Variants in MEIG1 observed in about 807,000 individuals in gnomAD.
The protein encoded by MEIG1 is meiosis/spermiogenesis associated 1.
MEIG1 carries 12 observed loss-of-function variants against 11.3 expected under a neutral mutation model. The observed-to-expected ratio is 1.07, with a 90% CI of 0.68 to 1.73. MEIG1 has a LOEUF of 1.73. MEIG1 is among the 40% of genes most tolerant of loss of function. The pLI, the probability that MEIG1 is intolerant of heterozygous loss-of-function variation, is 0.00. For synonymous variants in MEIG1, 41 were observed against 33.2 expected (o/e 1.24, Z -0.81); for missense variants, 119 against 104.9 (o/e 1.13, Z -0.59).
intron 1 of MEIG1, among the ~76,000 whole-genome samples, chr10:14,985,414 T>C (rs1040833553): frequency 2.0e-5 from 3 of 152,094 alleles, no homozygotes; most frequent in Non-Finnish European, 4.4e-5. Flanking sequence ...TGATCGGTTA[T>C]ATCCTTGGGG....
intron 1 of MEIG1, among the ~76,000 whole-genome samples, chr10:14,980,244 A>G (rs1198146175): frequency 6.6e-6 from 1 of 152,090 alleles, no homozygotes; most frequent in East Asian, 1.9e-4. Flanking sequence ...ACAATTTGTT[A>G]TATTATTCGT....
chr10:14,955,539 A>C (rs1842922838), upstream of MEIG1, among the ~76,000 whole-genome samples: 1 of 152,202 alleles, frequency 6.6e-6, no homozygotes, highest in Admixed American at 6.5e-5. Flanking sequence ...CCCCATCTCT[A>C]CTAAAAATAC....
At chr10:14,968,970 C>A (rs113966809) in intron 2 of MEIG1, among the ~76,000 whole-genome samples, 2 of 151,462 alleles carry the variant, frequency 1.3e-5, no homozygotes. Context: ...CCTAGCTATT[C>A]GGGAGGCCGA....
chr10:14,980,701 C>T (rs1843254181), intron 1 of MEIG1, among the ~76,000 whole-genome samples: 1 of 152,098 alleles, frequency 6.6e-6, no homozygotes, highest in South Asian at 2.1e-4. Flanking sequence ...CTCTGGAGGT[C>T]TCGAGCCAAC....
At chr10:14,987,973 C>T (rs918242127) in exon 3 of MEIG1, 11 of 152,666 alleles carry the variant, frequency 7.2e-5, no homozygotes, top group African/African-American at 2.4e-4. Context: ...TTTCACATAC[C>T]TGTTACTTTT....
chr10:14,969,454 AAAAAAAG>A (rs1843125100), intron 2 of MEIG1, among the ~76,000 whole-genome samples: 1 of 151,526 alleles, frequency 6.6e-6, no homozygotes, highest in African/African-American at 2.4e-5. Flanking sequence ...TCTCAAAAAA[AAAAAAAG>A]AAAAAAGGAA....
chr10:14,984,849 T>C (rs1843302293), intron 1 of MEIG1, among the ~76,000 whole-genome samples: 1 of 151,426 alleles, frequency 6.6e-6, no homozygotes, highest in African/African-American at 2.4e-5. Flanking sequence ...CAATATTCTA[T>C]AGAAATGTTA....
At chr10:14,977,779 G>T (rs1054822664), downstream of MEIG1, among the ~76,000 whole-genome samples, 7 of 151,652 alleles carry the variant, frequency 4.6e-5, no homozygotes, top group African/African-American at 1.5e-4. Flanking sequence ...AGATATTCCT[G>T]CTAATAACAC....
chr10:14,986,569 C>T (rs910376910), intron 1 of MEIG1, among the ~76,000 whole-genome samples: 3 of 152,176 alleles, frequency 2.0e-5, no homozygotes, highest in Non-Finnish European at 4.4e-5. Context: ...TTCTTCGTAG[C>T]GTCTGCTAAC....
upstream of MEIG1, among the ~76,000 whole-genome samples, chr10:14,957,232 G>T (rs542498794): frequency 6.6e-6 from 1 of 152,138 alleles, no homozygotes; most frequent in East Asian, 1.9e-4. Context: ...GTCCTCATTT[G>T]CCAGTTGAGG....
chr10:14,986,775 AAT>A, intron 1 of MEIG1: 1 of 340,678 alleles, frequency 2.9e-6, no homozygotes, highest in Non-Finnish European at 5.7e-6. Context: ...AAGCCTGACT[AAT>A]AGTTTGTTTT....
chr10:14,968,970 C>T (rs113966809), intron 2 of MEIG1, among the ~76,000 whole-genome samples: 201 of 151,462 alleles, frequency 1.3e-3, no homozygotes, highest in East Asian at 5.9e-3. Flanking sequence ...CCTAGCTATT[C>T]GGGAGGCCGA....
chr10:14,965,803 C>T (rs1044654509), intron 1 of MEIG1, among the ~76,000 whole-genome samples: 5 of 151,608 alleles, frequency 3.3e-5, no homozygotes, highest in Non-Finnish European at 7.4e-5. Flanking sequence ...AAACTATTAC[C>T]TGGAACTCCA....
upstream of MEIG1, among the ~76,000 whole-genome samples, chr10:14,958,875 G>A (rs1212451605): frequency 2.6e-5 from 4 of 151,880 alleles, no homozygotes; most frequent in South Asian, 2.1e-4. Flanking sequence ...CAGCCTGGGC[G>A]ACGGAGCGAG....
At chr10:14,987,228 C>G (rs766510499) in intron 2 of MEIG1, 20 of 958,510 alleles carry the variant, frequency 2.1e-5, no homozygotes, top group Non-Finnish European at 3.1e-5. Flanking sequence ...CCGATGTCAG[C>G]CCAGCACAGG....
At chr10:14,964,096 C>CAA (rs370368866) in intron 1 of MEIG1, among the ~76,000 whole-genome samples, 4,445 of 117,684 alleles carry the variant, frequency 0.038, 144 homozygotes, top group Middle Eastern at 0.056. Context: ...GACTCCGTCT[C>CAA]AAAAAAAAAA....
chr10:14,983,178 T>C (rs766203195), intron 1 of MEIG1, among the ~76,000 whole-genome samples: 7 of 152,076 alleles, frequency 4.6e-5, no homozygotes, highest in Non-Finnish European at 8.8e-5. Context: ...GTGATATTGA[T>C]CCGAATATCA....
At chr10:14,987,504 T>G in intron 2 of MEIG1, 1 of 704,978 alleles carries the variant, frequency 1.4e-6, no homozygotes, top group South Asian at 1.5e-5. Context: ...AAACCAGCCC[T>G]TAATGTTGGA....
intron 1 of MEIG1, among the ~76,000 whole-genome samples, chr10:14,963,116 G>C (rs1432533035): frequency 7.1e-6 from 1 of 141,578 alleles, no homozygotes; most frequent in Non-Finnish European, 1.5e-5. Context: ...TCTTAATTTA[G>C]ACAGAGTTTT....
Sources: allele counts gnomAD v4.1 joint callset (sites outside exome capture counted in the v4.1 genomes callset), GRCh38; gene constraint gnomAD v4.1.1; transcripts MANE v1.5; gene names NCBI Gene and HGNC (gene_info 2026-07-23, HGNC 2026-07-21).